The following PCDH15 variants were observed in gnomAD, a reference collection of about 807,000 sequenced individuals.
PCDH15 encodes the protein protocadherin related 15.
In PCDH15, 129 loss-of-function variants were observed where a neutral mutation model predicts 178.5. That is an observed-to-expected ratio of 0.72 (90% CI 0.63 to 0.84). PCDH15 has a LOEUF of 0.84. Ranked by LOEUF, PCDH15 falls within the 40% of genes least tolerant of loss-of-function variation. PCDH15 has a pLI of 0.00. For missense variants in PCDH15, 2,230 were observed against 2,099.9 expected (o/e 1.06, Z -1.21); for synonymous variants, 800 against 732.0 (o/e 1.09, Z -1.50).
intron 8 of PCDH15, among the ~76,000 whole-genome samples, chr10:54,296,445 C>A (rs1283181297): frequency 6.6e-6 from 1 of 152,112 alleles, no homozygotes; most frequent in Non-Finnish European, 1.5e-5. Flanking sequence ...TCTATCCTGA[C>A]CCTTGCCTCC....
chr10:55,609,842 A>AAGAT (rs1427785748), intron 2 of PCDH15, among the ~76,000 whole-genome samples: 1 of 152,120 alleles, frequency 6.6e-6, no homozygotes, highest in Non-Finnish European at 1.5e-5. Flanking sequence ...CTGTTCTGTA[A>AAGAT]AGATAATATT....
chr10:55,066,203 A>G (rs1407139170), intron 2 of PCDH15, among the ~76,000 whole-genome samples: 3 of 149,908 alleles, frequency 2.0e-5, no homozygotes, highest in Non-Finnish European at 4.4e-5. Flanking sequence ...TTCTCCCTTA[A>G]TATCTGTTTC....
At chr10:53,915,390 G>C (rs559737926) in intron 25 of PCDH15, among the ~76,000 whole-genome samples, 16 of 152,260 alleles carry the variant, frequency 1.1e-4, no homozygotes, top group African/African-American at 3.9e-4. Flanking sequence ...TTGATCTTTT[G>C]TGGTTCATTT....
In PCDH15 at chr10:55,578,374, A is replaced by C. The variant is rs540129728; in HGVS notation, c.-156+49251T>G. 7.1e-4 allele frequency among the ~76,000 whole-genome samples: 108 copies of C among 151,788 alleles called. 2 individuals carry two copies. In the South Asian group the frequency reaches 0.022, roughly 32 times the overall value. On this transcript the variant is annotated intron_variant, in intron 2 of 5. Coordinates refer to the PCDH15 transcript ENST00000613346. ...CTGGGATTACAGGCGCCTGCCACCA[A>C]GCCTGGCTAATTGTTTTTGTATTTT... is the stretch of plus-strand genomic sequence containing the variant.
intron 2 of PCDH15, among the ~76,000 whole-genome samples, chr10:54,968,853 T>C (rs984753545): frequency 6.6e-6 from 1 of 152,178 alleles, no homozygotes; most frequent in Admixed American, 6.6e-5. Flanking sequence ...TTTATTGTTC[T>C]ATCTTCAACA....
At chr10:53,832,911 A>G (rs2077094738) in intron 29 of PCDH15, among the ~76,000 whole-genome samples, 1 of 152,066 alleles carries the variant, frequency 6.6e-6, no homozygotes, top group Admixed American at 6.5e-5. Flanking sequence ...CATATCACAC[A>G]TGTGGCAATT....
At chr10:54,589,364 A>G (rs1316370666) in intron 2 of PCDH15, among the ~76,000 whole-genome samples, 2 of 152,182 alleles carry the variant, frequency 1.3e-5, no homozygotes, top group Non-Finnish European at 2.9e-5. Flanking sequence ...TCAAGCTGGT[A>G]TTTAAACATC....
intron 32 of PCDH15, among the ~76,000 whole-genome samples, chr10:53,824,924 G>A (rs548191881): frequency 7.2e-5 from 11 of 152,042 alleles, no homozygotes; most frequent in Admixed American, 4.6e-4. Context: ...ATTCCTTTCA[G>A]TAGGCACAGG....
Position 54,313,800 on chromosome 10 carries a change from C to T in PCDH15, c.876+3471G>A, listed in dbSNP as rs150212625. On this transcript the variant is annotated intron_variant, in intron 8 of 37. Transcript: ENST00000644397. ...CCAAATTGAAAGTATAATCTGGTCT[C>T]TAGCATTAAACTGCATAGGAATGAG... Among the ~76,000 whole-genome samples, 1,388 of 152,182 alleles carry T rather than the reference C, an allele frequency of 9.1e-3. 32 individuals carry two copies. The highest frequency in any genetic ancestry group is 0.032 in the African/African-American group (1,316 of 41,542).
intron 3 of PCDH15, among the ~76,000 whole-genome samples, chr10:54,476,004 C>CATATATATATGCATAGTGATTACATATAT (rs1565371130): frequency 9.4e-5 from 13 of 138,296 alleles, no homozygotes; most frequent in South Asian, 5.2e-4. Flanking sequence ...TACATATATG[C>CATATATATATGCATAGTGATTACATATAT]ATATATATAT....
chr10:54,379,984 T>C (rs1418946897), intron 3 of PCDH15, among the ~76,000 whole-genome samples: 1 of 152,114 alleles, frequency 6.6e-6, no homozygotes, highest in Non-Finnish European at 1.5e-5. Flanking sequence ...AAGTATCTGT[T>C]GCATTTTCTT....
rs142689350 is a variant in PCDH15 at position 54,897,671 on chromosome 10, A to C, written c.-79-171T>G. On this transcript the variant is annotated intron_variant, in intron 2 of 5. Transcript: ENST00000458638. The stretch of plus-strand genomic sequence containing the variant: ...TTATATGTTCTTACAGCCAGAAACA[A>C]ATGTAATATATGTGTGTACCATTAG... Among the ~76,000 whole-genome samples the C allele has an allele frequency of 4.1e-3, 624 of 152,248 alleles. 6 individuals carry two copies. The highest frequency in any genetic ancestry group is 0.013 in the African/African-American group (560 of 41,570).
chr10:53,891,802 A>T (rs12354565), intron 26 of PCDH15, among the ~76,000 whole-genome samples: 41 of 78,532 alleles, frequency 5.2e-4, no homozygotes, highest in African/African-American at 1.0e-3. Context: ...AAAATAAAAA[A>T]AAAAAAAAAA....
intron 2 of PCDH15, among the ~76,000 whole-genome samples, chr10:54,581,075 A>T (rs2090994787): frequency 6.6e-6 from 1 of 152,126 alleles, no homozygotes; most frequent in South Asian, 2.1e-4. Context: ...CTTCTATTCA[A>T]TGCAGTACTG....
chr10:54,727,615 T>G (rs1397696166), intron 1 of PCDH15, among the ~76,000 whole-genome samples: 1 of 151,136 alleles, frequency 6.6e-6, no homozygotes, highest in African/African-American at 2.4e-5. Flanking sequence ...TGAACAAAAC[T>G]GAGATGCATC....
chr10:54,502,582 A>G (rs1364014526), intron 3 of PCDH15, among the ~76,000 whole-genome samples: 2 of 152,138 alleles, frequency 1.3e-5, no homozygotes, highest in Non-Finnish European at 2.9e-5. Flanking sequence ...GTGTCTCTAC[A>G]GCCTAATATC....
chr10:55,147,658 T>A (rs906587304), intron 2 of PCDH15, among the ~76,000 whole-genome samples: 1 of 105,330 alleles, frequency 9.5e-6, no homozygotes, highest in Non-Finnish European at 2.2e-5. Context: ...TTCCTTTTTT[T>A]TTTAAATTTT....
chr10:54,544,363 T>G (rs1295959592), intron 2 of PCDH15, among the ~76,000 whole-genome samples: 1 of 152,146 alleles, frequency 6.6e-6, no homozygotes, highest in Non-Finnish European at 1.5e-5. Context: ...TATAATAAAG[T>G]GCTAAGACAA....
intron 2 of PCDH15, among the ~76,000 whole-genome samples, chr10:54,661,018 AC>A (rs2135384851): frequency 6.6e-6 from 1 of 152,108 alleles, no homozygotes; most frequent in South Asian, 2.1e-4. Context: ...CTGAATGGGA[AC>A]TGTAACAAGA....
Sources: gnomAD v4.1 joint callset for allele counts (sites outside exome capture counted in the v4.1 genomes callset) on GRCh38, gnomAD v4.1.1 for gene constraint, MANE v1.5 for transcripts, NCBI Gene and HGNC (gene_info 2026-07-23, HGNC 2026-07-21) for gene names.